The following CHST11 variants were observed in gnomAD, a reference collection of about 807,000 sequenced individuals.
CHST11 encodes the protein C4S-1.
Under a neutral mutation model 30.4 loss-of-function variants are expected in CHST11, and 9 were observed. The ratio of observed to expected loss-of-function variants is 0.30; its 90% CI spans 0.18 to 0.52. The LOEUF is 0.52. Among genes scored for constraint, CHST11 ranks in the 20% least tolerant of loss-of-function variants. The pLI, the probability that CHST11 is intolerant of heterozygous loss-of-function variation, is 0.97. For missense variants in CHST11, 348 were observed against 460.6 expected, an observed-to-expected ratio of 0.76 and a Z score of 2.24; for synonymous variants, 152 against 187.8, an observed-to-expected ratio of 0.81 and a Z score of 1.56.
chr12:104,644,675 G>A (rs1258714165), intron 2 of CHST11, among the ~76,000 whole-genome samples: 2 of 152,366 alleles, frequency 1.3e-5, no homozygotes, highest in East Asian at 1.9e-4. Flanking sequence ...CCCTGGCCCT[G>A]GCAGGCAGAG....
chr12:104,520,684 G>A (rs539246891), intron 1 of CHST11, among the ~76,000 whole-genome samples: 1 of 152,308 alleles, frequency 6.6e-6, no homozygotes, highest in South Asian at 2.1e-4. Flanking sequence ...GCATCAAGCT[G>A]GTGCAGTGAA....
chr12:104,697,370 C>T (rs368386865), intron 2 of CHST11, among the ~76,000 whole-genome samples: 10 of 152,102 alleles, frequency 6.6e-5, no homozygotes, highest in East Asian at 5.8e-4. Context: ...CCAGTGTGGC[C>T]GGGCATCCTT....
chr12:104,488,681 CTGTGTATGCGTA>C (rs2037713572), intron 1 of CHST11, among the ~76,000 whole-genome samples: 2 of 123,950 alleles, frequency 1.6e-5, no homozygotes, highest in Admixed American at 1.6e-4. Flanking sequence ...GTGTATGCGT[CTGTGTATGCGTA>C]TGTGTGTGTA....
intron 1 of CHST11, among the ~76,000 whole-genome samples, chr12:104,583,513 C>T (rs548372951): frequency 2.6e-4 from 39 of 152,238 alleles, no homozygotes; most frequent in African/African-American, 9.4e-4. Flanking sequence ...AGCCTAGCCT[C>T]CCCCAAAGCT....
At chr12:104,537,896 C>G (rs2038253031) in intron 1 of CHST11, among the ~76,000 whole-genome samples, 1 of 152,010 alleles carries the variant, frequency 6.6e-6, no homozygotes, top group African/African-American at 2.4e-5. Flanking sequence ...AGGTCTTGCT[C>G]TGTTGCCTAG....
At chr12:104,570,722 G>A (rs1186145852) in intron 1 of CHST11, among the ~76,000 whole-genome samples, 3 of 142,590 alleles carry the variant, frequency 2.1e-5, no homozygotes, top group African/African-American at 7.8e-5. Context: ...ACTGAGTCTC[G>A]CTCTGTCACC....
intron 1 of CHST11, among the ~76,000 whole-genome samples, chr12:104,560,417 G>C (rs562981532): frequency 1.3e-5 from 2 of 152,106 alleles, no homozygotes; most frequent in Non-Finnish European, 2.9e-5. Flanking sequence ...GCCATGGGGG[G>C]GTTCATGGTA....
chr12:104,590,013 TTAAATAAATAAA>T (rs111573363), intron 1 of CHST11, among the ~76,000 whole-genome samples: 2,992 of 151,234 alleles, frequency 0.02, 94 homozygotes, highest in East Asian at 0.089. Flanking sequence ...TGTCTCAAAA[TTAAATAAATAAA>T]TAAATAAATA....
chr12:104,707,415 T>C (rs2040045723), intron 2 of CHST11, among the ~76,000 whole-genome samples: 1 of 152,148 alleles, frequency 6.6e-6, no homozygotes, highest in Non-Finnish European at 1.5e-5. Context: ...AAATAAAAAA[T>C]AGCGCACACT....
At chr12:104,587,417 A>G (rs538821448) in intron 1 of CHST11, among the ~76,000 whole-genome samples, 1 of 152,298 alleles carries the variant, frequency 6.6e-6, no homozygotes, top group South Asian at 2.1e-4. Flanking sequence ...ATTTATTTTG[A>G]GATAGGGTCT....
chr12:104,464,531 C>A (rs1376435272), intron 1 of CHST11, among the ~76,000 whole-genome samples: 1 of 151,798 alleles, frequency 6.6e-6, no homozygotes, highest in Non-Finnish European at 1.5e-5. Context: ...AAAAACAGGG[C>A]CTTGCTCTAT....
At chr12:104,507,700 A>G (rs1475668311) in intron 1 of CHST11, among the ~76,000 whole-genome samples, 1 of 152,258 alleles carries the variant, frequency 6.6e-6, no homozygotes, top group African/African-American at 2.4e-5. Flanking sequence ...GGAATGACTG[A>G]GATGATTTGT....
At chr12:104,754,959 C>T (rs562289524) in intron 2 of CHST11, among the ~76,000 whole-genome samples, 1 of 152,204 alleles carries the variant, frequency 6.6e-6, no homozygotes, top group South Asian at 2.1e-4. Flanking sequence ...CTTAGTCATA[C>T]TGTCTGCTGT....
intron 2 of CHST11, among the ~76,000 whole-genome samples, chr12:104,662,939 G>A (rs190384850): frequency 5.3e-5 from 8 of 152,354 alleles, no homozygotes; most frequent in African/African-American, 1.9e-4. Context: ...TGGAGGCATT[G>A]TGTGAATTAG....
In CHST11 at chr12:104,584,872, C is replaced by T. The variant is rs985989448; in HGVS notation, c.119-17034C>T. 3.3e-5 allele frequency among the ~76,000 whole-genome samples: 5 copies of T among 152,166 alleles called. No individual in the cohort carries two copies. In the South Asian group the frequency reaches 8.3e-4, roughly 25 times the overall value. ...TTTAGTTTCTGTTGAATTAATCCCTCGGTGTAATTTCCCAAGAGGGAAATT... is the reference window on the plus strand; with the variant it reads ...TTTAGTTTCTGTTGAATTAATCCCTTGGTGTAATTTCCCAAGAGGGAAATT... On this transcript the variant is annotated intron_variant, in intron 1 of 2. Transcript: ENST00000303694.
chr12:104,711,304 A>T lies in CHST11; in HGVS notation c.205-45645A>T, dbSNP rs116038675. On this transcript the variant is annotated intron_variant, in intron 2 of 2. Transcript: ENST00000303694. ...CTTCCTTTCATAGGCAGTCCCTGGC[A>T]CTTTCTTGCCCTAACTCTTGCATAG... Among the ~76,000 whole-genome samples, 658 of 152,298 alleles carry T rather than the reference A, an allele frequency of 4.3e-3. 5 individuals are homozygous for T. Among genetic ancestry groups the T allele is most frequent in the African/African-American group, 0.015 (622 of 41,552 alleles).
intron 1 of CHST11, among the ~76,000 whole-genome samples, chr12:104,468,756 A>T (rs1335516138): frequency 4.6e-5 from 7 of 152,110 alleles, no homozygotes; most frequent in Non-Finnish European, 7.4e-5. Flanking sequence ...GGGCTTAATA[A>T]TTGATTGAAT....
chr12:104,737,880 G>A (rs2040314292), intron 2 of CHST11, among the ~76,000 whole-genome samples: 1 of 152,120 alleles, frequency 6.6e-6, no homozygotes, highest in East Asian at 1.9e-4. Context: ...AGGCTGGGTG[G>A]CCTGTCCCCA....
Position 104,676,476 on chromosome 12 carries a change from G to A in CHST11, c.204+74485G>A, listed in dbSNP as rs548037772. Reference sequence around the variant, plus strand: ...TGTCACCAGGCTGGAGTGCAGTGGCGCAATCTCGGCTCACTGCAACCTCCG... The same window carrying A: ...TGTCACCAGGCTGGAGTGCAGTGGCACAATCTCGGCTCACTGCAACCTCCG... On this transcript the variant is annotated intron_variant, in intron 2 of 2. Coordinates refer to ENST00000303694, the MANE Select transcript of CHST11 (RefSeq NM_018413.6). The surrounding 1 kb of genome is among the most constrained non-coding windows in gnomAD (Gnocchi z 4.4). 3.3e-4 allele frequency among the ~76,000 whole-genome samples: 50 copies of A among 152,276 alleles called. No homozygotes were observed. The East Asian group carries it at 3.9e-3, about 12-fold the overall frequency.
Sources: allele counts gnomAD v4.1 joint callset (sites outside exome capture counted in the v4.1 genomes callset), GRCh38; gene constraint gnomAD v4.1.1; non-coding constraint Gnocchi (gnomAD v3.1); transcripts MANE v1.5; gene names NCBI Gene and HGNC (gene_info 2026-07-23, HGNC 2026-07-21).